Variants in FAF1 observed in about 807,000 individuals in gnomAD.
FAF1 encodes the protein Fas associated factor 1, also known as FAS-associated factor 1.
Under a neutral mutation model 92.5 loss-of-function variants are expected in FAF1, and 25 were observed. That is an observed-to-expected ratio of 0.27 (90% CI 0.20 to 0.38). The LOEUF is 0.38. Ranked by LOEUF, FAF1 falls within the 10% of genes least tolerant of loss-of-function variation. FAF1 has a pLI of 1.00. For synonymous variants in FAF1, 234 were observed against 273.2 expected (o/e 0.86, Z 1.42); for missense variants, 636 against 793.3 (o/e 0.80, Z 2.38).
intron 15 of FAF1, among the ~76,000 whole-genome samples, chr1:50,531,150 T>C (rs925383375): frequency 1.3e-5 from 2 of 152,212 alleles, no homozygotes; most frequent in African/African-American, 2.4e-5. Flanking sequence ...GTTCCACTAA[T>C]GTATTCTTAG....
chr1:50,835,238 C>T (rs1644189721), intron 2 of FAF1, among the ~76,000 whole-genome samples: 1 of 152,080 alleles, frequency 6.6e-6, no homozygotes, highest in Non-Finnish European at 1.5e-5. Flanking sequence ...AGAAGCTTAA[C>T]TAAAGGAAAT....
intron 12 of FAF1, among the ~76,000 whole-genome samples, chr1:50,582,121 A>C (rs929860471): frequency 6.6e-6 from 1 of 152,198 alleles, no homozygotes; most frequent in Non-Finnish European, 1.5e-5. Flanking sequence ...TACACAGAAT[A>C]ATCATTTTGG....
At chr1:50,623,159 C>G (rs1653292397) in intron 8 of FAF1, among the ~76,000 whole-genome samples, 1 of 152,142 alleles carries the variant, frequency 6.6e-6, no homozygotes, top group African/African-American at 2.4e-5. Flanking sequence ...CAAATCAGCC[C>G]ATATGAAGTA....
At chr1:50,953,949 C>CT (rs1557602915) in intron 1 of FAF1, among the ~76,000 whole-genome samples, 2 of 150,528 alleles carry the variant, frequency 1.3e-5, no homozygotes. Flanking sequence ...AGAAAGAATA[C>CT]ATTTTTTTTT....
At chr1:50,930,012 C>A (rs1645036163) in intron 1 of FAF1, among the ~76,000 whole-genome samples, 1 of 152,028 alleles carries the variant, frequency 6.6e-6, no homozygotes. Context: ...TTCTTTTTTC[C>A]AAGTAGACTC....
chr1:50,730,286 TTTA>T (rs1254056383), intron 6 of FAF1, among the ~76,000 whole-genome samples: 2 of 150,854 alleles, frequency 1.3e-5, no homozygotes, highest in Non-Finnish European at 2.9e-5. Context: ...AATTTATTAA[TTTA>T]TTATTTGCTT....
intron 15 of FAF1, among the ~76,000 whole-genome samples, chr1:50,493,034 C>CCT (rs1553219172): frequency 1.1e-3 from 150 of 137,972 alleles, no homozygotes; most frequent in African/African-American, 3.8e-3. Context: ...GATTAAACTT[C>CCT]TTTTTTTTTT....
chr1:50,760,259 T>A (rs1660269776), intron 4 of FAF1, among the ~76,000 whole-genome samples: 1 of 152,084 alleles, frequency 6.6e-6, no homozygotes, highest in Admixed American at 6.6e-5. Flanking sequence ...CACCCCACTG[T>A]CAACATTAGA....
intron 12 of FAF1, among the ~76,000 whole-genome samples, chr1:50,580,092 C>A (rs1650924359): frequency 6.6e-6 from 1 of 151,886 alleles, no homozygotes. Context: ...ATACAGTATA[C>A]CCTAAATGTT....
At chr1:50,562,074 G>C (rs1172594024) in intron 13 of FAF1, among the ~76,000 whole-genome samples, 1 of 152,170 alleles carries the variant, frequency 6.6e-6, no homozygotes, top group Non-Finnish European at 1.5e-5. Context: ...GAAGGATGGG[G>C]AGAGGCAAGA....
At chr1:50,449,244 C>G (rs1244134472) in intron 18 of FAF1, among the ~76,000 whole-genome samples, 1 of 152,092 alleles carries the variant, frequency 6.6e-6, no homozygotes, top group African/African-American at 2.4e-5. Context: ...CTCATTTTTA[C>G]AGATGAGAAC....
chr1:50,862,598 T>C (rs1274851139), intron 1 of FAF1, among the ~76,000 whole-genome samples: 2 of 151,700 alleles, frequency 1.3e-5, no homozygotes. Flanking sequence ...AGATATAGAA[T>C]GGCAGAATGG....
intron 6 of FAF1, among the ~76,000 whole-genome samples, chr1:50,724,219 C>T (rs1466069672): frequency 8.1e-6 from 1 of 123,884 alleles, no homozygotes; most frequent in Non-Finnish European, 1.6e-5. Flanking sequence ...GCCTGTGTGA[C>T]AGAGCAAGAC....
chr1:50,599,200 C>T (rs1298439888), intron 8 of FAF1, among the ~76,000 whole-genome samples: 1 of 152,156 alleles, frequency 6.6e-6, no homozygotes, highest in African/African-American at 2.4e-5. Flanking sequence ...GCAACCTCCA[C>T]CTCCCAGGTT....
intron 1 of FAF1, among the ~76,000 whole-genome samples, chr1:50,931,563 T>C (rs1645047230): frequency 6.6e-6 from 1 of 152,082 alleles, no homozygotes; most frequent in Non-Finnish European, 1.5e-5. Context: ...AGAGACTTAT[T>C]CACTATCACA....
Position 50,721,028 on chromosome 1 carries a change from T to G in FAF1, c.552-15137A>C, listed in dbSNP as rs563223922. On this transcript the variant is annotated intron_variant, in intron 6 of 18. Coordinates refer to ENST00000396153, the MANE Select transcript of FAF1 (RefSeq NM_007051.3). ...ATGTGTACATATATAATTAAGTATG[T>G]TTTCCTCTTGTTAATCTGTTTTATG... Among the ~76,000 whole-genome samples, 3 of 152,228 alleles carry G rather than the reference T, an allele frequency of 2.0e-5. No individual in the cohort carries two copies. The South Asian group carries it at 6.2e-4, about 32-fold the overall frequency.
chr1:50,485,577 A>G (rs1646754963), intron 17 of FAF1, among the ~76,000 whole-genome samples: 1 of 146,838 alleles, frequency 6.8e-6, no homozygotes, highest in African/African-American at 2.5e-5. Flanking sequence ...CAGGGGAATC[A>G]CTTGAACCCA....
intron 8 of FAF1, among the ~76,000 whole-genome samples, chr1:50,639,821 C>A (rs911562551): frequency 2.0e-5 from 3 of 151,342 alleles, no homozygotes; most frequent in Admixed American, 6.6e-5. Flanking sequence ...GTAGTCCCAG[C>A]TACTCAGGAG....
intron 4 of FAF1, among the ~76,000 whole-genome samples, chr1:50,778,718 G>A (rs572438908): frequency 2.6e-5 from 4 of 152,268 alleles, no homozygotes; most frequent in Admixed American, 2.6e-4. Context: ...AGGGCTGGCA[G>A]AGACAGTAGA....
Sources: gnomAD v4.1 joint callset for allele counts (sites outside exome capture counted in the v4.1 genomes callset) on GRCh38, gnomAD v4.1.1 for gene constraint, MANE v1.5 for transcripts, NCBI Gene and HGNC (gene_info 2026-07-23, HGNC 2026-07-21) for gene names.